Variants in RNF144B observed in about 807,000 individuals in gnomAD.
RNF144B encodes the protein ring finger protein 144B, also known as E3 ubiquitin-protein ligase RNF144B.
A neutral mutation model predicts 40.2 loss-of-function variants in RNF144B; 25 were observed. The ratio of observed to expected loss-of-function variants is 0.62; its 90% CI spans 0.45 to 0.87. RNF144B has a LOEUF of 0.87. RNF144B is among the 40% of genes least tolerant of loss of function. RNF144B has a pLI of 0.00. For missense variants in RNF144B, 365 were observed against 373.7 expected, an observed-to-expected ratio of 0.98 and a Z score of 0.19; for synonymous variants, 145 against 136.3, an observed-to-expected ratio of 1.06 and a Z score of -0.44.
rs1759565411 is a variant in RNF144B at position 18,466,004 on chromosome 6, A to G, written c.*937A>G. 6.6e-6 allele frequency: 1 copy of G among 152,256 alleles called. No individual in the cohort carries two copies. Among genetic ancestry groups the G allele is most frequent in the Non-Finnish European group, 1.5e-5 (1 of 68,044 alleles). 9.4% of individuals were successfully genotyped at this position (152,256 alleles called of 1,614,324 possible). A position where few individuals can be genotyped will look rare whatever the true frequency, so the allele number is the denominator to read the frequency against. On this transcript the variant is annotated 3_prime_UTR_variant, in exon 8 of 8. Coordinates refer to ENST00000259939, the MANE Select transcript of RNF144B (RefSeq NM_182757.4). ...AAATATTAAAGTGCGTATTATGTAC[A>G]TCTAGAATCCATGTGACTTGCAGCC...
At chr6:18,440,482 A>T (rs1416947473) in intron 4 of RNF144B, among the ~76,000 whole-genome samples, 1 of 152,106 alleles carries the variant, frequency 6.6e-6, no homozygotes, top group African/African-American at 2.4e-5. Context: ...ACTTGAATCT[A>T]GCCTGAACAT....
At position 18,439,687 on chromosome 6, in the gene RNF144B, G is replaced by A; in HGVS notation, c.274G>A (p.Ala92Thr). The A allele has an allele frequency of 6.2e-7, 1 of 1,611,222 alleles. No homozygotes were observed. The highest frequency in any genetic ancestry group is 8.5e-7 in the Non-Finnish European group (1 of 1,177,472). Residue 92 changes from alanine to threonine, a missense_variant, in exon 4 of 8, where the codon GCC (alanine) becomes ACC (threonine). Coordinates refer to ENST00000259939, the MANE Select transcript of RNF144B (RefSeq NM_182757.4). ...CCTTTTATGTCTCTGGTTTCAGATT[G>A]CCTGTTTGGTACCTGTGGACCAGTT... ...NHGTLQEAEI[A>T]CLVPVDQFQL...
At chr6:18,423,063 G>A (rs1286273399) in intron 2 of RNF144B, among the ~76,000 whole-genome samples, 1 of 151,850 alleles carries the variant, frequency 6.6e-6, no homozygotes, top group Non-Finnish European at 1.5e-5. Context: ...GTTCCTATTT[G>A]TCTGTGGACT....
chr6:18,440,722 A>AT (rs1758939711), intron 4 of RNF144B, among the ~76,000 whole-genome samples: 1 of 13,162 alleles, frequency 7.6e-5, no homozygotes, highest in Non-Finnish European at 5.8e-4. Flanking sequence ...GGGGATACAT[A>AT]GGTTAATAGC....
rs1020956206 is a variant in RNF144B, at chr6:18,457,880, A to G, written c.536+521A>G. Among the ~76,000 whole-genome samples the G allele has an allele frequency of 6.6e-6, 1 of 152,068 alleles. No homozygotes were observed. Among genetic ancestry groups the G allele is most frequent in the East Asian group, 1.9e-4 (1 of 5,186 alleles). ...TATTTTATGCTCTGTAAAGGTTGAG[A>G]TTTTATCGTGATAGGAAGCAATTAA... On this transcript the variant is annotated intron_variant, in intron 5 of 7. Transcript: ENST00000259939. This position sits in a 1 kb window ranked among gnomAD's most constrained non-coding sequence, Gnocchi z 5.1.
At position 18,455,814 on chromosome 6, in the gene RNF144B, A is replaced by C. The variant is rs140670909; in HGVS notation, c.332-1341A>C. On this transcript the variant is annotated intron_variant, in intron 4 of 7. Transcript: ENST00000259939. ...TCTTCTTTCCTGTATGTCATATGGA[A>C]CTAGCCAATGTGTTATGACTAGCTA... Among the ~76,000 whole-genome samples, 164 of 152,292 alleles carry C rather than the reference A, an allele frequency of 1.1e-3. 5 individuals carry two copies. In the East Asian group the frequency reaches 0.028, roughly 26 times the overall value.
chr6:18,411,478 TATATATATATATATA>T (rs1177329632), intron 2 of RNF144B, among the ~76,000 whole-genome samples: 129 of 42,288 alleles, frequency 3.1e-3, no homozygotes, highest in African/African-American at 0.011. Context: ...TATATATATA[TATATATATATATATA>T]TATATTTTTT....
rs12203287 is a variant in RNF144B at position 18,442,325 on chromosome 6, G to C, written c.331+2581G>C. Among the ~76,000 whole-genome samples, 19,015 of 152,244 alleles carry C rather than the reference G, an allele frequency of 0.12. 1,365 individuals carry two copies. The highest frequency in any genetic ancestry group is 0.19 in the Admixed American group (2,960 of 15,298). ...CTACTTTGCTCTGTTACAAATTGAT[G>C]AAATAGTTTTATTCATACATGGAAT... On this transcript the variant is annotated intron_variant, in intron 4 of 7. Transcript: ENST00000259939. This position sits in a 1 kb window ranked among gnomAD's most constrained non-coding sequence, Gnocchi z 4.3.
At chr6:18,428,284 T>C (rs1758611454) in intron 3 of RNF144B, among the ~76,000 whole-genome samples, 1 of 152,282 alleles carries the variant, frequency 6.6e-6, no homozygotes, top group Non-Finnish European at 1.5e-5. Flanking sequence ...TGGGTATTTC[T>C]TCATAGCAGT....
chr6:18,426,236 C>T lies in RNF144B; in HGVS notation c.166-1345C>T, dbSNP rs950319898. ...TGTATAAATCTGAAAAATCTAAACC[C>T]AGTTGTAAATAATCACCACTTTGTA... On this transcript the variant is annotated intron_variant, in intron 2 of 7. Transcript: ENST00000259939. 5.9e-5 allele frequency among the ~76,000 whole-genome samples: 9 copies of T among 152,126 alleles called. No homozygotes were observed. In the South Asian group the frequency reaches 1.4e-3, roughly 24 times the overall value.
rs1758778995 is a variant in RNF144B, at chr6:18,434,717, G to C, written c.271-4967G>C. ...GCTCACTGCAAGCTCCGCCTCCCAG[G>C]TTCATGCCATTCTGCTGCCTCAGCC... On this transcript the variant is annotated intron_variant, in intron 3 of 7. Transcript: ENST00000259939. This position sits in a 1 kb window ranked among gnomAD's most constrained non-coding sequence, Gnocchi z 4.1. Among the ~76,000 whole-genome samples the C allele has an allele frequency of 6.6e-6, 1 of 152,144 alleles. No individual in the cohort carries two copies. The highest frequency in any genetic ancestry group is 1.5e-5 in the Non-Finnish European group (1 of 68,034).
chr6:18,404,195 A>G (rs1176088756), intron 2 of RNF144B, among the ~76,000 whole-genome samples: 2 of 152,240 alleles, frequency 1.3e-5, no homozygotes, highest in Admixed American at 6.5e-5. Context: ...TCTGTGGTGG[A>G]TCTTTCCTGG....
chr6:18,390,213 C>T (rs1794552745), intron 1 of RNF144B, among the ~76,000 whole-genome samples: 2 of 152,152 alleles, frequency 1.3e-5, no homozygotes, highest in Admixed American at 6.5e-5. Context: ...TTACCTTGAC[C>T]ATTTGACCAT....
At position 18,459,521 on chromosome 6, in the gene RNF144B, G is replaced by A; in HGVS notation, c.537-86G>A. ...AAGTGAATTAAGCATGGATAACTGT[G>A]AGTTCATTATCTAACCATCAGGAGC... On this transcript the variant is annotated intron_variant, in intron 5 of 7. Transcript: ENST00000259939. The surrounding 1 kb of genome is among the most constrained non-coding windows in gnomAD (Gnocchi z 4.2). 2 of 1,357,456 alleles carry A rather than the reference G, an allele frequency of 1.5e-6. No homozygotes were observed. Among genetic ancestry groups the A allele is most frequent in the Non-Finnish European group, 2.1e-6 (2 of 972,426 alleles). The allele number at this position is 1,357,456 out of a possible 1,614,324, so 84.1% of individuals were successfully genotyped here.
chr6:18,415,377 C>T lies in RNF144B; in HGVS notation c.166-12204C>T, dbSNP rs568109860. ...TGGCAGGATTGGTGTCCCGTGATGG[C>T]GGCTCTCTGCTTCCAAGATGGCGTC... On this transcript the variant is annotated intron_variant, in intron 2 of 7. Transcript: ENST00000259939. 4.8e-4 allele frequency among the ~76,000 whole-genome samples: 73 copies of T among 152,098 alleles called. 1 individual carries two copies. The highest frequency in any genetic ancestry group is 1.2e-3 in the East Asian group (6 of 5,190).
chr6:18,467,376 T>A lies in RNF144B; in HGVS notation c.*2309T>A, dbSNP rs1376949614. On this transcript the variant is annotated 3_prime_UTR_variant, in exon 8 of 8. Transcript: ENST00000259939. ...AGGGAATTTGCCACCTTACAGAGTT[T>A]GTATCACTGAATTAGCTGCTTTTGT... 2.0e-5 allele frequency: 3 copies of A among 149,096 alleles called. No individual in the cohort carries two copies. The highest frequency in any genetic ancestry group is 7.4e-5 in the African/African-American group (3 of 40,502). 9.2% of individuals were successfully genotyped at this position (149,096 alleles called of 1,614,324 possible). A position where few individuals can be genotyped will look rare whatever the true frequency, so the allele number is the denominator to read the frequency against.
chr6:18,406,945 T>C lies in RNF144B; in HGVS notation c.165+7246T>C, dbSNP rs1229372884. Among the ~76,000 whole-genome samples the C allele has an allele frequency of 6.6e-6, 1 of 152,052 alleles. No homozygotes were observed. Among genetic ancestry groups the C allele is most frequent in the Non-Finnish European group, 1.5e-5 (1 of 67,998 alleles). On this transcript the variant is annotated intron_variant, in intron 2 of 7. Coordinates refer to ENST00000259939, the MANE Select transcript of RNF144B (RefSeq NM_182757.4). This position sits in a 1 kb window ranked among gnomAD's most constrained non-coding sequence, Gnocchi z 4.2. ...GAAGGGGAAGCAGCCACGTCTTACA[T>C]AGTAGCAGGCGAGAAAGAGAGCACC... is the stretch of plus-strand genomic sequence containing the variant.
chr6:18,447,249 C>G lies in RNF144B; in HGVS notation c.331+7505C>G, dbSNP rs72832479. Among the ~76,000 whole-genome samples, 3 of 151,932 alleles carry G rather than the reference C, an allele frequency of 2.0e-5. No homozygotes were observed. Among genetic ancestry groups the G allele is most frequent in the African/African-American group, 7.3e-5 (3 of 41,334 alleles). ...TGTGAGCAAGCCATATGGATACTTACGGGAAGAACATCATTTCAGGCAGAG... is the reference window on the plus strand; with the variant it reads ...TGTGAGCAAGCCATATGGATACTTAGGGGAAGAACATCATTTCAGGCAGAG... On this transcript the variant is annotated intron_variant, in intron 4 of 7. Coordinates refer to ENST00000259939, the MANE Select transcript of RNF144B (RefSeq NM_182757.4). This position sits in a 1 kb window ranked among gnomAD's most constrained non-coding sequence, Gnocchi z 5.6.
At chr6:18,440,617 T>C (rs1404281135) in intron 4 of RNF144B, among the ~76,000 whole-genome samples, 1 of 151,912 alleles carries the variant, frequency 6.6e-6, no homozygotes, top group Non-Finnish European at 1.5e-5. Context: ...CTTTATCTCA[T>C]TTAATTTTTA....
Sources: gnomAD v4.1 joint callset for allele counts (sites outside exome capture counted in the v4.1 genomes callset) on GRCh38, gnomAD v4.1.1 for gene constraint, Gnocchi (gnomAD v3.1) non-coding constraint, MANE v1.5 for transcripts, NCBI Gene and HGNC (gene_info 2026-07-23, HGNC 2026-07-21) for gene names.